The following GRM7 variants were observed in gnomAD, a reference collection of about 807,000 sequenced individuals.
The protein encoded by GRM7 is metabotropic glutamate receptor 7.
Under a neutral mutation model 84.5 loss-of-function variants are expected in GRM7, and 35 were observed. The ratio of observed to expected loss-of-function variants is 0.41; its 90% CI spans 0.32 to 0.55. The LOEUF (loss-of-function observed/expected upper bound fraction) is 0.55, where lower values mean the gene tolerates loss of function less well. Among genes scored for constraint, GRM7 ranks in the 20% least tolerant of loss-of-function variants. The probability of loss-of-function intolerance (pLI) is 0.19; values close to 1 mark genes in which losing one functional copy is unlikely to be tolerated. For synonymous variants in GRM7, 487 were observed against 455.1 expected, an observed-to-expected ratio of 1.07 and a Z score of -0.89; for missense variants, 1,003 against 1,194.6, an observed-to-expected ratio of 0.84 and a Z score of 2.36.
intron 4 of GRM7, among the ~76,000 whole-genome samples, chr3:7,340,944 T>C (rs1701614317): frequency 6.6e-6 from 1 of 152,122 alleles, no homozygotes; most frequent in Non-Finnish European, 1.5e-5. Flanking sequence ...TTCCCCTGCT[T>C]GTACCTGGCA....
intron 2 of GRM7, among the ~76,000 whole-genome samples, chr3:7,204,393 T>A (rs1030907178): frequency 6.6e-6 from 1 of 152,254 alleles, no homozygotes; most frequent in African/African-American, 2.4e-5. Context: ...CTGAGTTTTG[T>A]CAGCTAATAT....
chr3:7,483,645 A>G (rs1027936485), intron 7 of GRM7, among the ~76,000 whole-genome samples: 1 of 152,200 alleles, frequency 6.6e-6, no homozygotes. Context: ...AAGCAATATG[A>G]TCTCAGTTAA....
chr3:7,559,555 G>A (rs1193058036), intron 7 of GRM7, among the ~76,000 whole-genome samples: 2 of 152,076 alleles, frequency 1.3e-5, no homozygotes, highest in Non-Finnish European at 2.9e-5. Context: ...TGGTATGGAT[G>A]TGTTTCAAAG....
At chr3:7,532,189 G>C (rs1701063103) in intron 7 of GRM7, among the ~76,000 whole-genome samples, 1 of 152,150 alleles carries the variant, frequency 6.6e-6, no homozygotes. Flanking sequence ...GTTTCAGAAG[G>C]AATGGTACCA....
chr3:6,922,779 G>C (rs1195809621), intron 1 of GRM7, among the ~76,000 whole-genome samples: 1 of 152,108 alleles, frequency 6.6e-6, no homozygotes, highest in African/African-American at 2.4e-5. Context: ...GTTATTTAAT[G>C]TTCTGTTCAA....
In GRM7 at chr3:7,164,759, G is replaced by C. The variant is rs530199529; in HGVS notation, c.736+18091G>C. ...AGATAGCTGCTGAAAGATTTAGTAA[G>C]TTGGCCACTTCCTGCTGACCTTGCA... On this transcript the variant is annotated intron_variant, in intron 2 of 9. Coordinates refer to ENST00000357716, the MANE Select transcript of GRM7 (RefSeq NM_000844.4). Among the ~76,000 whole-genome samples the C allele has an allele frequency of 2.0e-5, 3 of 152,326 alleles. No individual in the cohort carries two copies. In the South Asian group the frequency reaches 6.2e-4, roughly 32 times the overall value.
At chr3:7,139,376 T>C (rs1184997846) in intron 1 of GRM7, among the ~76,000 whole-genome samples, 1 of 151,748 alleles carries the variant, frequency 6.6e-6, no homozygotes, top group Non-Finnish European at 1.5e-5. Context: ...GAAGCATCAA[T>C]ATAAAAATGA....
chr3:7,181,419 C>G (rs913556754), intron 2 of GRM7, among the ~76,000 whole-genome samples: 2 of 152,182 alleles, frequency 1.3e-5, no homozygotes, highest in Non-Finnish European at 1.5e-5. Flanking sequence ...GGCACCATCT[C>G]TTGACACTAA....
intron 1 of GRM7, among the ~76,000 whole-genome samples, chr3:7,065,289 T>C (rs891884241): frequency 9.2e-5 from 14 of 151,762 alleles, no homozygotes; most frequent in Non-Finnish European, 1.8e-4. Context: ...AATGGTTTTT[T>C]CAATGTTATC....
At chr3:6,994,469 T>A (rs1022717478) in intron 1 of GRM7, among the ~76,000 whole-genome samples, 8 of 152,226 alleles carry the variant, frequency 5.3e-5, no homozygotes, top group Non-Finnish European at 1.0e-4. Flanking sequence ...AGTAACAATG[T>A]TCAAAGAGTC....
chr3:7,183,567 C>T (rs2125099300), intron 2 of GRM7, among the ~76,000 whole-genome samples: 1 of 152,182 alleles, frequency 6.6e-6, no homozygotes, highest in Middle Eastern at 3.4e-3. Context: ...GTGGAGGTTG[C>T]AGTGAGCCAA....
intron 1 of GRM7, among the ~76,000 whole-genome samples, chr3:6,887,693 G>A (rs1483229815): frequency 8.5e-5 from 13 of 152,068 alleles, no homozygotes; most frequent in Admixed American, 2.0e-4. Context: ...ATAAACATAC[G>A]TGTGCATGTG....
At chr3:7,630,333 G>A (rs1575573344) in intron 8 of GRM7, among the ~76,000 whole-genome samples, 1 of 152,122 alleles carries the variant, frequency 6.6e-6, no homozygotes, top group South Asian at 2.1e-4. Context: ...CAAGCATGAC[G>A]AAAGAATCAT....
intron 2 of GRM7, among the ~76,000 whole-genome samples, chr3:7,199,611 A>G (rs1695997296): frequency 6.6e-6 from 1 of 152,178 alleles, no homozygotes; most frequent in South Asian, 2.1e-4. Context: ...GAGACATTTT[A>G]AATTGTCACT....
At chr3:7,587,579 C>A (rs1027002524) in intron 8 of GRM7, among the ~76,000 whole-genome samples, 1 of 152,164 alleles carries the variant, frequency 6.6e-6, no homozygotes, top group East Asian at 1.9e-4. Context: ...AAGGAGCATG[C>A]ACTTTGTTTT....
intron 2 of GRM7, among the ~76,000 whole-genome samples, chr3:7,229,401 G>A (rs1053117918): frequency 6.6e-6 from 1 of 151,826 alleles, no homozygotes; most frequent in African/African-American, 2.4e-5. Flanking sequence ...GGAAGATGAG[G>A]CAGATAGAGT....
At chr3:6,999,344 C>T (rs770355094) in intron 1 of GRM7, among the ~76,000 whole-genome samples, 2 of 152,106 alleles carry the variant, frequency 1.3e-5, no homozygotes, top group Non-Finnish European at 2.9e-5. Context: ...AACAGGTCTC[C>T]AAGAAGTTTC....
chr3:7,610,887 C>A (rs982772485), intron 8 of GRM7, among the ~76,000 whole-genome samples: 9 of 152,182 alleles, frequency 5.9e-5, no homozygotes, highest in African/African-American at 2.2e-4. Context: ...CTTTGGCCAT[C>A]CTGGGCTGAC....
At chr3:7,362,641 GATT>G (rs1559266869) in intron 4 of GRM7, among the ~76,000 whole-genome samples, 1 of 152,012 alleles carries the variant, frequency 6.6e-6, no homozygotes, top group Non-Finnish European at 1.5e-5. Context: ...TTAGCTGTAC[GATT>G]CATTAAAAAC....
Sources: allele counts gnomAD v4.1 joint callset (sites outside exome capture counted in the v4.1 genomes callset), GRCh38; gene constraint gnomAD v4.1.1; transcripts MANE v1.5; gene names NCBI Gene and HGNC (gene_info 2026-07-23, HGNC 2026-07-21).